Variants in TMBIM6 observed in about 807,000 individuals in gnomAD.
TMBIM6 encodes transmembrane BAX inhibitor motif containing 6, also known as bax inhibitor 1.
A neutral mutation model predicts 31.4 loss-of-function variants in TMBIM6; 13 were observed. The ratio of observed to expected loss-of-function variants is 0.41; its 90% CI spans 0.27 to 0.66. The LOEUF is 0.66. TMBIM6 is among the 30% of genes least tolerant of loss of function. TMBIM6 has a pLI of 0.28. For missense variants in TMBIM6, 275 were observed against 289.5 expected (o/e 0.95, Z 0.36); for synonymous variants, 85 against 101.7 (o/e 0.84, Z 0.99).
chr12:49,762,729 G>C, intron 9 of TMBIM6, 144 bp from the exon 10 acceptor site: 1 of 802,864 alleles, frequency 1.2e-6, no homozygotes, highest in Non-Finnish European at 2.0e-6. Context: ...TTAAGATTCA[G>C]TTCTTGCTGA....
rs749180915 is a variant in TMBIM6 at position 49,758,699 on chromosome 12, C to T, written c.450C>T (p.Ala150=). 3.7e-6 allele frequency: 6 copies of T among 1,614,124 alleles called. No homozygotes were observed. Among genetic ancestry groups the T allele is most frequent in the Non-Finnish European group, 5.1e-6 (6 of 1,180,044 alleles). Residue 150 remains alanine, a synonymous_variant, in exon 7 of 10, where the codon GCC becomes GCT. Transcript: ENST00000267115. ...YLFLGGILMS[A]LSLLLLSSLG... ...GTCTTATAGGTATCTTGATGTCAGC[C>T]CTGAGCTTGTTGCTTTTGTCTTCCC...
rs919898773 is a variant in TMBIM6, at chr12:49,763,070, T to G, written c.*174T>G. ...GATCAAAAAACTGATTAGCAGAATA[T>G]AGTTTGGAGTTTGGCTTCATCTTCC... is the stretch of plus-strand genomic sequence containing the variant. On this transcript the variant is annotated 3_prime_UTR_variant, in exon 10 of 10. Transcript: ENST00000267115. 2 of 671,456 alleles carry G rather than the reference T, an allele frequency of 3.0e-6. No individual in the cohort carries two copies. The highest frequency in any genetic ancestry group is 3.6e-5 in the African/African-American group (2 of 55,598). 41.6% of individuals were successfully genotyped at this position (671,456 alleles called of 1,614,324 possible).
chr12:49,748,470 C>G (rs949619673), intron 1 of TMBIM6, among the ~76,000 whole-genome samples: 2 of 152,144 alleles, frequency 1.3e-5, no homozygotes, highest in Non-Finnish European at 2.9e-5. Context: ...GTATTAAGCT[C>G]TTAGCTTTTT....
At chr12:49,742,822 G>T (rs1385064394) in intron 1 of TMBIM6, among the ~76,000 whole-genome samples, 1 of 151,866 alleles carries the variant, frequency 6.6e-6, no homozygotes, top group Admixed American at 6.6e-5. Flanking sequence ...TTTTGTTCTG[G>T]CCTAAAGAAT....
chr12:49,741,968 C>T (rs1945303268), intron 1 of TMBIM6: 1 of 1,016,288 alleles, frequency 9.8e-7, no homozygotes, highest in Non-Finnish European at 1.4e-6. Flanking sequence ...CGCAGGGCCC[C>T]TTGGCCTAGC....
chr12:49,751,230 G>A (rs1219018467), intron 1 of TMBIM6, among the ~76,000 whole-genome samples: 3 of 152,088 alleles, frequency 2.0e-5, no homozygotes, highest in Non-Finnish European at 4.4e-5. Flanking sequence ...GGGACAGTTG[G>A]CAAAAATCTG....
At chr12:49,746,608 TA>T (rs1440759772) in intron 1 of TMBIM6, among the ~76,000 whole-genome samples, 1 of 152,182 alleles carries the variant, frequency 6.6e-6, no homozygotes, top group Non-Finnish European at 1.5e-5. Context: ...ACAGTGAGGT[TA>T]AGTGCCAGCA....
chr12:49,742,039 TC>T lies in TMBIM6; in HGVS notation c.-31+430del. On this transcript the variant is annotated intron_variant, in intron 1 of 9. Transcript: ENST00000267115. Reference sequence around the variant, plus strand: ...GTGAAGGAACGCGAAACTCCACCCATCCGATTGCTGTTCGGCTGCGGGCGGG... The same window carrying T: ...GTGAAGGAACGCGAAACTCCACCCATCGATTGCTGTTCGGCTGCGGGCGGG... 2.6e-6 allele frequency: 4 copies of T among 1,511,186 alleles called. No individual in the cohort carries two copies. The South Asian group carries it at 3.7e-5, about 14-fold the overall frequency. The allele number at this position is 1,511,186 out of a possible 1,614,324, so 93.6% of individuals were successfully genotyped here.
At chr12:49,745,241 G>T (rs188210757) in intron 1 of TMBIM6, among the ~76,000 whole-genome samples, 3 of 152,288 alleles carry the variant, frequency 2.0e-5, no homozygotes, top group Admixed American at 6.5e-5. Flanking sequence ...TACCATATCA[G>T]ATTATCACTT....
chr12:49,762,586 G>A (rs1034657624), intron 9 of TMBIM6, among the ~76,000 whole-genome samples: 2 of 152,194 alleles, frequency 1.3e-5, no homozygotes, highest in African/African-American at 4.8e-5. Context: ...GATCTGAGCT[G>A]TAGTGGCTGT....
chr12:49,752,057 T>G (rs1201070114), intron 1 of TMBIM6, among the ~76,000 whole-genome samples: 1 of 152,190 alleles, frequency 6.6e-6, no homozygotes, highest in African/African-American at 2.4e-5. Flanking sequence ...AGTGAGCCAC[T>G]ATGCCCAGCC....
In TMBIM6 at chr12:49,764,625, C is replaced by T. The variant is rs1436226275; in HGVS notation, c.*1729C>T. On this transcript the variant is annotated 3_prime_UTR_variant, in exon 10 of 10. Transcript: ENST00000267115. ...GGCCTAAGATTTTGAGTTAACATCT[C>T]TTGAAGCCAAACTCCACCTTCTGTG... The T allele has an allele frequency of 2.0e-5, 3 of 148,202 alleles. No individual in the cohort carries two copies. Among genetic ancestry groups the T allele is most frequent in the Non-Finnish European group, 4.4e-5 (3 of 67,822 alleles). The allele number at this position is 148,202 out of a possible 1,614,324, so 9.2% of individuals were successfully genotyped here.
At chr12:49,746,870 CTGTCACCCAGGCTGGAG>C (rs150359609) in intron 1 of TMBIM6, among the ~76,000 whole-genome samples, 3,391 of 152,284 alleles carry the variant, frequency 0.022, 130 homozygotes, top group African/African-American at 0.078. Context: ...GAGTCTGGCT[CTGTCACCCAGGCTGGAG>C]TGCAGTAGCG....
Position 49,763,955 on chromosome 12 carries a change from A to G in TMBIM6, c.*1059A>G, listed in dbSNP as rs985357796. On this transcript the variant is annotated 3_prime_UTR_variant, in exon 10 of 10. Coordinates refer to ENST00000267115, the MANE Select transcript of TMBIM6 (RefSeq NM_003217.3). ...GAGGCAGCAATCCTAATAGTCCTTC[A>G]GTGCATTTTAGTCTGTCTCCAACTG... 3 of 152,242 alleles carry G rather than the reference A, an allele frequency of 2.0e-5. No individual in the cohort carries two copies. The highest frequency in any genetic ancestry group is 4.4e-5 in the Non-Finnish European group (3 of 68,046). 9.4% of individuals were successfully genotyped at this position (152,242 alleles called of 1,614,324 possible).
intron 4 of TMBIM6, among the ~76,000 whole-genome samples, chr12:49,757,642 A>G (rs1285098003): frequency 2.6e-5 from 4 of 152,240 alleles, no homozygotes; most frequent in African/African-American, 9.6e-5. Flanking sequence ...AGATTTAGGG[A>G]TTAAAATTTT....
At chr12:49,753,134 A>C in intron 3 of TMBIM6, 53 bp downstream of exon 3, 4 of 1,516,648 alleles carry the variant, frequency 2.6e-6, no homozygotes. Context: ...ATTAGGAAAA[A>C]ACCAGCTCAG....
In TMBIM6 at chr12:49,758,425, C is replaced by G. The variant is rs11540525; in HGVS notation, c.378C>G (p.Thr126=). ...TAFMGTAMIF[T]CFTLSALYAR... ...TCATGGGCACGGCAATGATCTTTAC[C>G]TGCTTCACCCTCAGTGCACTCTATG... is the stretch of plus-strand genomic sequence containing the variant. Residue 126 remains threonine, a synonymous_variant, in exon 6 of 10, where the codon ACC becomes ACG. Coordinates refer to ENST00000267115, the MANE Select transcript of TMBIM6 (RefSeq NM_003217.3). 2.5e-6 allele frequency: 4 copies of G among 1,614,174 alleles called. No individual in the cohort carries two copies. In the South Asian group the frequency reaches 3.3e-5, roughly 13 times the overall value.
At chr12:49,749,441 G>GTTTTTTTTTTTTTTTTTTTTTTTT (rs61667487) in intron 1 of TMBIM6, among the ~76,000 whole-genome samples, 1 of 146,048 alleles carries the variant, frequency 6.8e-6, no homozygotes, top group African/African-American at 2.7e-5. Context: ...AGTCATTTTT[G>GTTTTTTTTTTTTTTTTTTTTTTTT]TTTTTTTTTG....
rs1219337120 is a variant in TMBIM6 at position 49,759,300 on chromosome 12, A to G, written c.593A>G (p.His198Arg). ...CAACTCATTATTGAAAAGGCCGAAC[A>G]TGGAGATCAAGATTATATCTGGTGA... ...DTQLIIEKAEHGDQDYIWHCI... is the reference protein window; with the variant it reads ...DTQLIIEKAERGDQDYIWHCI... The change falls in exon 8 of 10, where the codon CAT (histidine) becomes CGT (arginine). Residue 198 changes from histidine to arginine, a missense_variant. Coordinates refer to ENST00000267115, the MANE Select transcript of TMBIM6 (RefSeq NM_003217.3). 9 of 1,613,942 alleles carry G rather than the reference A, an allele frequency of 5.6e-6. No homozygotes were observed. Among genetic ancestry groups the G allele is most frequent in the Middle Eastern group, 1.6e-4 (1 of 6,084 alleles).
Sources: gnomAD v4.1 joint callset for allele counts (sites outside exome capture counted in the v4.1 genomes callset) on GRCh38, gnomAD v4.1.1 for gene constraint, MANE v1.5 for transcripts, NCBI Gene and HGNC (gene_info 2026-07-23, HGNC 2026-07-21) for gene names.